Variants in SV2C observed in about 807,000 individuals in gnomAD.
SV2C encodes solute carrier family 22 member B3.
In SV2C, 49 loss-of-function variants were observed where a neutral mutation model predicts 79.7. That is an observed-to-expected ratio of 0.61 (90% CI 0.49 to 0.78). The LOEUF is 0.78. SV2C is among the 30% of genes least tolerant of loss of function. The probability of loss-of-function intolerance (pLI) is 0.00; values close to 1 mark genes in which losing one functional copy is unlikely to be tolerated. For missense variants in SV2C, 833 were observed against 912.9 expected (o/e 0.91, Z 1.13); for synonymous variants, 334 against 333.2 (o/e 1.00, Z -0.03).
the SV2C span, among the ~76,000 whole-genome samples, chr5:76,043,825 T>C: frequency 6.6e-6 from 1 of 152,160 alleles, no homozygotes; most frequent in African/African-American, 2.4e-5. Context: ...TAGAAGAAAG[T>C]TTCACTTAGC....
the SV2C span, among the ~76,000 whole-genome samples, chr5:75,982,794 C>A: frequency 6.6e-6 from 1 of 152,110 alleles, no homozygotes; most frequent in Non-Finnish European, 1.5e-5. Context: ...TAAAAAACAA[C>A]AAGATCATGT....
At chr5:75,972,974 A>G in the SV2C span, among the ~76,000 whole-genome samples, 1 of 152,134 alleles carries the variant, frequency 6.6e-6, no homozygotes, top group African/African-American at 2.4e-5. Flanking sequence ...TGGCACCTAT[A>G]TACCATGGAA....
At chr5:75,893,023 T>G in the SV2C span, among the ~76,000 whole-genome samples, 1 of 152,128 alleles carries the variant, frequency 6.6e-6, no homozygotes, top group African/African-American at 2.4e-5. Context: ...GTGACTGAAC[T>G]TATTTACATT....
chr5:76,166,270 C>T (rs1743044886), intron 2 of SV2C, among the ~76,000 whole-genome samples: 1 of 152,110 alleles, frequency 6.6e-6, no homozygotes, highest in Non-Finnish European at 1.5e-5. Flanking sequence ...AGTGTGGAAC[C>T]TGTGATCTGG....
intron 4 of SV2C, among the ~76,000 whole-genome samples, chr5:76,252,328 C>T (rs538218609): frequency 1.3e-5 from 2 of 152,196 alleles, no homozygotes; most frequent in South Asian, 4.1e-4. Context: ...GCCATGTTGG[C>T]CAGGCTGGTC....
intron 12 of SV2C, among the ~76,000 whole-genome samples, chr5:76,301,908 CA>C (rs11436839): frequency 0.021 from 863 of 41,386 alleles, 3 homozygotes; most frequent in African/African-American, 0.063. Flanking sequence ...GACACCATCT[CA>C]AAAAAAAAAA....
intron 12 of SV2C, among the ~76,000 whole-genome samples, chr5:76,309,241 T>C (rs944442812): frequency 6.6e-6 from 1 of 152,168 alleles, no homozygotes; most frequent in Non-Finnish European, 1.5e-5. Context: ...AAGATCATTC[T>C]TGGCCTTTAG....
intron 4 of SV2C, among the ~76,000 whole-genome samples, chr5:76,217,442 A>G (rs1213099230): frequency 1.3e-5 from 2 of 152,336 alleles, no homozygotes; most frequent in East Asian, 3.9e-4. Flanking sequence ...GCCAAGGGAA[A>G]GAGGTATAAA....
chr5:75,986,903 C>G, the SV2C span, among the ~76,000 whole-genome samples: 1 of 151,968 alleles, frequency 6.6e-6, no homozygotes, highest in Non-Finnish European at 1.5e-5. Context: ...TCCAGAGTAT[C>G]CCACTGTCCA....
At chr5:76,266,129 AAATATGGCCAGTGGCCC>A in intron 4 of SV2C, among the ~76,000 whole-genome samples, 1 of 4,892 alleles carries the variant, frequency 2.0e-4, no homozygotes, top group South Asian at 0.014. Flanking sequence ...CCAAAGAGAC[AAATATGGCCAGTGGCCC>A]AAATATGGCC....
At chr5:75,955,496 A>T in the SV2C span, among the ~76,000 whole-genome samples, 1 of 150,412 alleles carries the variant, frequency 6.6e-6, no homozygotes, top group Non-Finnish European at 1.5e-5. Context: ...CAAGGACTTC[A>T]TGTCTAAAAC....
At chr5:75,875,025 A>T in the SV2C span, among the ~76,000 whole-genome samples, 1 of 152,148 alleles carries the variant, frequency 6.6e-6, no homozygotes, top group South Asian at 2.1e-4. Flanking sequence ...TGAACTACCA[A>T]CGACATTCTT....
chr5:76,156,473 C>T (rs1270474324), intron 2 of SV2C, among the ~76,000 whole-genome samples: 1 of 151,892 alleles, frequency 6.6e-6, no homozygotes, highest in African/African-American at 2.4e-5. Flanking sequence ...GTCCAGTTTC[C>T]AACAGAAAAA....
At chr5:75,921,815 A>G in the SV2C span, among the ~76,000 whole-genome samples, 1 of 141,974 alleles carries the variant, frequency 7.0e-6, no homozygotes, top group East Asian at 2.3e-4. Context: ...ACAAATATAT[A>G]GCAGGGTTTT....
At chr5:76,315,351 CAA>C (rs766382075) in intron 12 of SV2C, among the ~76,000 whole-genome samples, 6 of 151,770 alleles carry the variant, frequency 4.0e-5, no homozygotes, top group Non-Finnish European at 4.4e-5. Flanking sequence ...AGTCTGGTAT[CAA>C]AAAAACAAAT....
chr5:75,958,731 A>T, the SV2C span, among the ~76,000 whole-genome samples: 1 of 151,326 alleles, frequency 6.6e-6, no homozygotes, highest in Non-Finnish European at 1.5e-5. Context: ...TCTTTTTGAG[A>T]CTCTATCATT....
chr5:76,120,991 A>G (rs1748472866), intron 1 of SV2C, among the ~76,000 whole-genome samples: 1 of 150,884 alleles, frequency 6.6e-6, no homozygotes, highest in South Asian at 2.1e-4. Flanking sequence ...CCAACAGTGT[A>G]AAAGTGTTCC....
the SV2C span, among the ~76,000 whole-genome samples, chr5:75,972,559 A>G: frequency 1.3e-5 from 2 of 152,184 alleles, no homozygotes; most frequent in Admixed American, 1.3e-4. Context: ...TTATGCAGCC[A>G]AAAAACACAT....
intron 12 of SV2C, among the ~76,000 whole-genome samples, chr5:76,347,267 T>C (rs767692139): frequency 1.3e-5 from 2 of 152,106 alleles, no homozygotes; most frequent in African/African-American, 2.4e-5. Context: ...GGGGATAACT[T>C]TGGGTGAAGC....
Sources: allele counts gnomAD v4.1 joint callset (sites outside exome capture counted in the v4.1 genomes callset), GRCh38; gene constraint gnomAD v4.1.1; transcripts MANE v1.5; gene names NCBI Gene and HGNC (gene_info 2026-07-23, HGNC 2026-07-21).